Variants in AGMO observed in about 807,000 individuals in gnomAD.
AGMO encodes the protein glyceryl-ether monooxygenase.
Under a neutral mutation model 60.2 loss-of-function variants are expected in AGMO, and 75 were observed. The ratio of observed to expected loss-of-function variants is 1.25; its 90% CI spans 1.03 to 1.51. The LOEUF is 1.51. Among genes scored for constraint, AGMO ranks in the 40% most tolerant of loss-of-function variants. AGMO has a pLI of 0.00. For missense variants in AGMO, 763 were observed against 525.5 expected (o/e 1.45, Z -4.42); for synonymous variants, 261 against 177.1 (o/e 1.47, Z -3.76).
intron 12 of AGMO, among the ~76,000 whole-genome samples, chr7:15,205,932 G>A (rs1239768956): frequency 2.6e-5 from 4 of 151,930 alleles, no homozygotes; most frequent in Admixed American, 2.0e-4. Flanking sequence ...TAAAACAATC[G>A]CAACAGTAAG....
intron 5 of AGMO, chr7:15,396,317 T>G (rs1169854990): frequency 1.3e-5 from 2 of 152,272 alleles, no homozygotes; most frequent in Admixed American, 1.3e-4. Context: ...TTCCTCCAGG[T>G]GTGTTCCTGG....
intron 3 of AGMO, among the ~76,000 whole-genome samples, chr7:15,478,656 G>C (rs910492710): frequency 1.3e-5 from 2 of 152,090 alleles, no homozygotes; most frequent in Non-Finnish European, 2.9e-5. Flanking sequence ...ATCACGTTGG[G>C]AACCTCAGAC....
At chr7:15,531,391 T>C (rs868587885) in intron 3 of AGMO, among the ~76,000 whole-genome samples, 1 of 89,410 alleles carries the variant, frequency 1.1e-5, no homozygotes, top group Non-Finnish European at 1.9e-5. Context: ...TCTATATATA[T>C]TCTATATATA....
intron 12 of AGMO, among the ~76,000 whole-genome samples, chr7:15,342,632 G>A (rs1220714674): frequency 2.0e-5 from 3 of 151,472 alleles, no homozygotes; most frequent in East Asian, 1.9e-4. Context: ...AACAGATTTC[G>A]GCTTTCTCTC....
intron 3 of AGMO, among the ~76,000 whole-genome samples, chr7:15,542,061 A>T (rs1262997921): frequency 1.3e-5 from 2 of 152,168 alleles, no homozygotes; most frequent in African/African-American, 4.8e-5. Context: ...AAGAGGCTCA[A>T]GAAATTTGAT....
intron 3 of AGMO, among the ~76,000 whole-genome samples, chr7:15,524,898 G>A (rs1784084233): frequency 6.6e-6 from 1 of 150,684 alleles, no homozygotes; most frequent in Non-Finnish European, 1.5e-5. Context: ...GTCTTTGTAT[G>A]TCTTTGTTTA....
chr7:15,560,002 T>G, intron 2 of AGMO, 139 bp downstream of exon 2: 2 of 781,006 alleles, frequency 2.6e-6, no homozygotes, highest in South Asian at 5.9e-5. Flanking sequence ...AATATCAAAA[T>G]TTTAAATAAT....
chr7:15,430,323 G>A (rs888833993), intron 4 of AGMO, among the ~76,000 whole-genome samples: 7 of 151,662 alleles, frequency 4.6e-5, no homozygotes, highest in African/African-American at 1.7e-4. Flanking sequence ...TGACTTTCTA[G>A]CTCACTGTTC....
chr7:15,490,061 G>A (rs1034373860), intron 3 of AGMO, among the ~76,000 whole-genome samples: 1 of 152,156 alleles, frequency 6.6e-6, no homozygotes. Flanking sequence ...ATATCAAAAA[G>A]ATATTATAAC....
At chr7:15,376,628 T>G (rs567833686) in intron 10 of AGMO, among the ~76,000 whole-genome samples, 19 of 152,246 alleles carry the variant, frequency 1.2e-4, no homozygotes, top group African/African-American at 4.1e-4. Flanking sequence ...CCTTATTGAA[T>G]ATTCAAACTG....
At chr7:15,428,485 C>A (rs1781132333) in intron 4 of AGMO, among the ~76,000 whole-genome samples, 2 of 152,170 alleles carry the variant, frequency 1.3e-5, no homozygotes, top group East Asian at 1.9e-4. Flanking sequence ...GTGTGAGTCT[C>A]ATTTTACATA....
chr7:15,248,214 A>ATATATATATATATATGTATATATG (rs1402723880), intron 12 of AGMO, among the ~76,000 whole-genome samples: 1 of 71,160 alleles, frequency 1.4e-5, no homozygotes, highest in Non-Finnish European at 3.0e-5. Flanking sequence ...ATATATATAT[A>ATATATATATATATATGTATATATG]TATATATATA....
At chr7:15,355,886 C>T (rs1000809740) in intron 12 of AGMO, among the ~76,000 whole-genome samples, 1 of 152,012 alleles carries the variant, frequency 6.6e-6, no homozygotes, top group Non-Finnish European at 1.5e-5. Context: ...TAATCATACA[C>T]AGAATTTCTA....
the AGMO span, among the ~76,000 whole-genome samples, chr7:15,119,155 ATC>A: frequency 6.6e-6 from 1 of 151,606 alleles, no homozygotes; most frequent in Middle Eastern, 3.2e-3. Context: ...CCCCACCCAA[ATC>A]TCATGTTGAA....
intron 12 of AGMO, among the ~76,000 whole-genome samples, chr7:15,212,012 G>T (rs73054551): frequency 0.1 from 15,868 of 151,604 alleles, 908 homozygotes; most frequent in African/African-American, 0.13. Flanking sequence ...GGACACAATG[G>T]AGGAAGAAAG....
chr7:15,382,943 T>C (rs1311787468), intron 10 of AGMO, among the ~76,000 whole-genome samples: 3 of 151,962 alleles, frequency 2.0e-5, no homozygotes, highest in South Asian at 2.1e-4. Context: ...GATGTAACAT[T>C]TGTTATTTTT....
In AGMO at chr7:15,394,156, C is replaced by T. The variant is rs146771962; in HGVS notation, c.633G>A (p.Leu211=). 22 of 1,611,614 alleles carry T rather than the reference C, an allele frequency of 1.4e-5. No individual in the cohort carries two copies. In the Admixed American group the frequency reaches 2.7e-4, roughly 20 times the overall value. ...HTEVINNLGP[L]ELILNTPSHH... ...GGCTAGGAGTATTAAGAATCAGTTC[C>T]AAAGGACCAAGGTTATTGATGACCT... is the stretch of plus-strand genomic sequence containing the variant. The change falls in exon 6 of 13, where the codon TTG becomes TTA. Residue 211 remains leucine (L), a synonymous_variant. Transcript: ENST00000342526.
rs76398906 is a variant in AGMO, at chr7:15,515,594, T to A, written c.409+29178A>T. 7.7e-3 allele frequency among the ~76,000 whole-genome samples: 1,178 copies of A among 152,346 alleles called. 17 individuals carry two copies. The highest frequency in any genetic ancestry group is 0.027 in the African/African-American group (1,119 of 41,568). ...CAATTTTGCTGTATATGAATGCATA[T>A]TTAAATGAAGGCAATATCTGTCTCC... On this transcript the variant is annotated intron_variant, in intron 3 of 12. Transcript: ENST00000342526.
intron 10 of AGMO, among the ~76,000 whole-genome samples, chr7:15,374,652 A>C (rs1474425011): frequency 1.3e-5 from 2 of 152,080 alleles, no homozygotes; most frequent in Admixed American, 6.5e-5. Context: ...CAAGGCAAAA[A>C]AGAACAGCGA....
Sources: gnomAD v4.1 joint callset for allele counts (sites outside exome capture counted in the v4.1 genomes callset) on GRCh38, gnomAD v4.1.1 for gene constraint, MANE v1.5 for transcripts, NCBI Gene and HGNC (gene_info 2026-07-23, HGNC 2026-07-21) for gene names.